Variants in SFI1 observed in about 807,000 individuals in gnomAD.
The protein encoded by SFI1 is protein SFI1 homolog.
Under a neutral mutation model 207.5 loss-of-function variants are expected in SFI1, and 195 were observed. The observed-to-expected ratio is 0.94, with a 90% CI of 0.84 to 1.06. The LOEUF (loss-of-function observed/expected upper bound fraction) is 1.06. Ranked by LOEUF, SFI1 falls within the 50% of genes least tolerant of loss-of-function variation. The pLI, the probability that SFI1 is intolerant of heterozygous loss-of-function variation, is 0.00. For synonymous variants in SFI1, 630 were observed against 598.9 expected (o/e 1.05, Z -0.76); for missense variants, 1,634 against 1,588.0 (o/e 1.03, Z -0.49).
intron 1 of SFI1, among the ~76,000 whole-genome samples, chr22:31,505,895 A>G (rs2054561104): frequency 6.6e-6 from 1 of 151,566 alleles, no homozygotes; most frequent in African/African-American, 2.4e-5. Flanking sequence ...CAGCGTGAGA[A>G]AGAAAAAAGG....
intron 2 of SFI1, among the ~76,000 whole-genome samples, chr22:31,515,842 A>G (rs1233504873): frequency 8.0e-5 from 12 of 150,794 alleles, no homozygotes. Context: ...GGTTCAAGCA[A>G]TTCTCCTGCC....
chr22:31,595,683 C>CT lies in SFI1; in HGVS notation c.1544+6107dup, dbSNP rs2066996678. ...CCACAAGTTCTTCCAGTGCTCAGAGCTAGTGCTGAGGGAGACTGAGCATGG... is the reference window on the plus strand; with the variant it reads ...CCACAAGTTCTTCCAGTGCTCAGAGCTTAGTGCTGAGGGAGACTGAGCATGG... On this transcript the variant is annotated intron_variant, in intron 15 of 32. Coordinates refer to ENST00000400288, the MANE Select transcript of SFI1 (RefSeq NM_001007467.3). Among the ~76,000 whole-genome samples the CT allele has an allele frequency of 2.6e-5, 4 of 152,288 alleles. No individual in the cohort carries two copies. The South Asian group carries it at 8.3e-4, about 32-fold the overall frequency.
intron 1 of SFI1, among the ~76,000 whole-genome samples, chr22:31,498,190 G>T (rs1196094164): frequency 6.6e-6 from 1 of 152,168 alleles, no homozygotes; most frequent in African/African-American, 2.4e-5. Context: ...AGCTACTGGG[G>T]AGGCTGAGGC....
At chr22:31,518,430 C>A (rs1404398522) in intron 2 of SFI1, among the ~76,000 whole-genome samples, 4 of 152,022 alleles carry the variant, frequency 2.6e-5, no homozygotes, top group Non-Finnish European at 2.9e-5. Context: ...ATTTGTGATG[C>A]CATTTGAAAA....
intron 4 of SFI1, among the ~76,000 whole-genome samples, chr22:31,545,003 G>A (rs139838847): frequency 0.012 from 1,787 of 152,114 alleles, 10 homozygotes; most frequent in Middle Eastern, 0.031. Context: ...GGGCTCAAGC[G>A]ATCCTCCCAC....
chr22:31,506,132 C>CTT (rs369537527), intron 1 of SFI1, among the ~76,000 whole-genome samples: 1 of 134 alleles, frequency 7.5e-3, no homozygotes, highest in Non-Finnish European at 0.012. Context: ...TCACTGCAAC[C>CTT]TGCCTCACGG....
intron 12 of SFI1, 74 bp downstream of exon 12, chr22:31,580,438 A>C: frequency 7.8e-7 from 1 of 1,287,134 alleles, no homozygotes; most frequent in Non-Finnish European, 1.1e-6. Context: ...CAGTCTTGCC[A>C]AATTAAGCAG....
intron 8 of SFI1, among the ~76,000 whole-genome samples, chr22:31,564,788 G>A (rs2062090850): frequency 6.7e-6 from 1 of 149,764 alleles, no homozygotes; most frequent in South Asian, 2.1e-4. Context: ...GGGATTACAG[G>A]CATGAGCCAC....
chr22:31,586,620 T>C (rs2146306566), intron 14 of SFI1, among the ~76,000 whole-genome samples: 1 of 152,354 alleles, frequency 6.6e-6, no homozygotes, highest in Non-Finnish European at 1.5e-5. Context: ...TGAAAAGACA[T>C]TGCCACTTGT....
intron 1 of SFI1, among the ~76,000 whole-genome samples, chr22:31,496,938 C>T (rs1024381879): frequency 5.9e-5 from 9 of 152,236 alleles, no homozygotes; most frequent in Admixed American, 2.0e-4. Flanking sequence ...CTAGTGCGCT[C>T]CTGGCCGGTG....
At chr22:31,511,128 T>G (rs2055439420) in intron 2 of SFI1, among the ~76,000 whole-genome samples, 2 of 152,210 alleles carry the variant, frequency 1.3e-5, no homozygotes, top group Admixed American at 6.6e-5. Context: ...GCAGGTATTA[T>G]GGACCCTTCT....
rs151071851 is a variant in SFI1 at position 31,528,743 on chromosome 22, A to G, written c.146A>G (p.Asn49Ser). The change falls in exon 3 of 33, where the codon AAC (asparagine) becomes AGC (serine). Residue 49 changes from asparagine to serine, a missense_variant. Coordinates refer to ENST00000400288, the MANE Select transcript of SFI1 (RefSeq NM_001007467.3). ...KKPYSAKTLS[N>S]KKSSASFGIR... ...CCTTATTCTGCAAAGACACTGTCCA[A>G]CAAGAAGTCTTCTGCATCCTTTGGG... 639 of 1,614,238 alleles carry G rather than the reference A, an allele frequency of 4.0e-4. 1 individual carries two copies. In the East Asian group the frequency reaches 8.3e-3, roughly 21 times the overall value.
intron 1 of SFI1, among the ~76,000 whole-genome samples, chr22:31,504,348 C>A (rs774044062): frequency 5.3e-5 from 8 of 152,088 alleles, no homozygotes; most frequent in Non-Finnish European, 7.4e-5. Context: ...ACTAGGACAT[C>A]GGTTTGATGT....
chr22:31,602,215 G>T lies in SFI1; in HGVS notation c.1548G>T (p.Glu516Asp), dbSNP rs1325060375. The change falls in exon 16 of 33, where the codon GAG becomes GAT. Residue 516 changes from glutamate to aspartate, a missense_variant. Coordinates refer to ENST00000400288, the MANE Select transcript of SFI1 (RefSeq NM_001007467.3). ...TACATTCTTCCTTGTTTTTTAGGGA[G>T]ACATTAGAGAAGCAAGTATTTTCTC... ...LSARATRFHR[E>D]TLEKQVFSLW... 6.2e-7 allele frequency: 1 copy of T among 1,613,338 alleles called. No individual in the cohort carries two copies. The highest frequency in any genetic ancestry group is 8.5e-7 in the Non-Finnish European group (1 of 1,179,278).
chr22:31,573,014 T>C (rs1273022359), intron 8 of SFI1, 44 bp from the exon 9 acceptor site: 8 of 1,600,370 alleles, frequency 5.0e-6, no homozygotes, highest in Non-Finnish European at 6.8e-6. Context: ...TTCACCCTGT[T>C]TTCCTGCCTC....
At chr22:31,580,833 A>G (rs62237797) in intron 12 of SFI1, among the ~76,000 whole-genome samples, 6,900 of 151,848 alleles carry the variant, frequency 0.045, 134 homozygotes, top group African/African-American at 0.053. Flanking sequence ...GTGAGTCACC[A>G]TGCTCGGCCT....
chr22:31,610,499 CTG>C (rs1173071952), intron 22 of SFI1, among the ~76,000 whole-genome samples: 1 of 152,260 alleles, frequency 6.6e-6, no homozygotes, highest in Non-Finnish European at 1.5e-5. Context: ...ATCTTGGCAT[CTG>C]TGCCCTGCTC....
intron 14 of SFI1, chr22:31,587,459 C>T (rs544547516): frequency 5.9e-5 from 10 of 169,410 alleles, no homozygotes; most frequent in South Asian, 5.7e-4. Flanking sequence ...CAAGCCACCA[C>T]GCCCAGCTAA....
intron 18 of SFI1, 127 bp from the exon 19 acceptor site, chr22:31,604,182 A>G: frequency 2.8e-6 from 2 of 721,430 alleles, no homozygotes; most frequent in South Asian, 1.7e-5. Context: ...AGAAGCACGT[A>G]TTTATAGATG....
Sources: gnomAD v4.1 joint callset for allele counts (sites outside exome capture counted in the v4.1 genomes callset) on GRCh38, gnomAD v4.1.1 for gene constraint, MANE v1.5 for transcripts, NCBI Gene and HGNC (gene_info 2026-07-23, HGNC 2026-07-21) for gene names.